Variants in SLCO1C1 observed in about 807,000 individuals in gnomAD.
The protein encoded by SLCO1C1 is solute carrier organic anion transporter family member 1C1.
A neutral mutation model predicts 76.4 loss-of-function variants in SLCO1C1; 70 were observed. That is an observed-to-expected ratio of 0.92 (90% CI 0.76 to 1.12). The LOEUF (loss-of-function observed/expected upper bound fraction) is 1.12, where lower values mean the gene tolerates loss of function less well. Ranked by LOEUF, SLCO1C1 falls within the 50% of genes most tolerant of loss-of-function variation. The probability of loss-of-function intolerance (pLI) is 0.00; values close to 1 mark genes in which losing one functional copy is unlikely to be tolerated. For missense variants in SLCO1C1, 912 were observed against 823.8 expected, an observed-to-expected ratio of 1.11 and a Z score of -1.31; for synonymous variants, 306 against 286.1, an observed-to-expected ratio of 1.07 and a Z score of -0.70.
chr12:20,702,466 G>A (rs1448063148), intron 3 of SLCO1C1, among the ~76,000 whole-genome samples: 2 of 151,834 alleles, frequency 1.3e-5, no homozygotes, highest in African/African-American at 4.8e-5. Flanking sequence ...AAATAACTGG[G>A]CAATCTTTTA....
chr12:20,741,562 G>A (rs1948816996), intron 12 of SLCO1C1, among the ~76,000 whole-genome samples: 2 of 152,074 alleles, frequency 1.3e-5, no homozygotes, highest in African/African-American at 4.8e-5. Flanking sequence ...ACAGTGACAA[G>A]CATTACATAT....
chr12:20,717,209 G>C lies in SLCO1C1; in HGVS notation c.754G>C (p.Asp252His), dbSNP rs1391976739. 6.3e-7 allele frequency: 1 copy of C among 1,586,328 alleles called. No individual in the cohort carries two copies. Among genetic ancestry groups the C allele is most frequent in the African/African-American group, 1.4e-5 (1 of 72,342 alleles). The change falls in exon 7 of 15, where the codon GAC becomes CAC. Residue 252 changes from aspartate (D) to histidine (H), a missense_variant. Coordinates refer to ENST00000266509, the MANE Select transcript of SLCO1C1 (RefSeq NM_017435.5). ...CTCATTATGTGCCAAACTATATGTT[G>C]ACATTGGCTTTGTAAACCTAGGTAA... ...LGSLCAKLYV[D>H]IGFVNLDHIT... is the part of the protein sequence containing the mutation.
intron 7 of SLCO1C1, among the ~76,000 whole-genome samples, chr12:20,720,997 C>CAAA (rs35297084): frequency 3.0e-3 from 129 of 43,388 alleles, no homozygotes; most frequent in Admixed American, 3.6e-3. Context: ...AACTCCATCT[C>CAAA]AAAAAAAAAA....
chr12:20,715,022 A>G (rs1592251247), intron 5 of SLCO1C1, 117 bp from the exon 6 acceptor site: 1 of 1,256,114 alleles, frequency 8.0e-7, no homozygotes, highest in East Asian at 2.3e-5. Context: ...AATTAAGACT[A>G]TTGCACAAAA....
At chr12:20,711,598 T>C (rs968599227) in intron 5 of SLCO1C1, 88 bp downstream of exon 5, 2 of 1,434,696 alleles carry the variant, frequency 1.4e-6, no homozygotes, top group African/African-American at 2.9e-5. Context: ...GTCTATGATT[T>C]TTGCTCCCAA....
chr12:20,731,139 G>A (rs993490137), intron 9 of SLCO1C1, among the ~76,000 whole-genome samples: 22 of 152,060 alleles, frequency 1.4e-4, no homozygotes, highest in African/African-American at 4.6e-4. Flanking sequence ...TTGTATCTGT[G>A]CCTGAAGTTC....
intron 13 of SLCO1C1, among the ~76,000 whole-genome samples, chr12:20,750,024 T>C (rs1461632207): frequency 6.6e-6 from 1 of 152,152 alleles, no homozygotes; most frequent in African/African-American, 2.4e-5. Context: ...GAGTCTGAAA[T>C]GTAAGACAAC....
At chr12:20,749,908 G>A (rs919616221) in intron 13 of SLCO1C1, among the ~76,000 whole-genome samples, 3 of 152,188 alleles carry the variant, frequency 2.0e-5, no homozygotes, top group African/African-American at 7.2e-5. Context: ...TGTGTATTAA[G>A]AATGTGAATA....
At chr12:20,715,395 A>G (rs1041488824) in intron 6 of SLCO1C1, 110 bp downstream of exon 6, 1 of 1,229,194 alleles carries the variant, frequency 8.1e-7, no homozygotes, top group Non-Finnish European at 1.1e-6. Flanking sequence ...CTTCATATCC[A>G]ACTCCTTTAT....
chr12:20,704,103 A>G (rs909899057), intron 3 of SLCO1C1, among the ~76,000 whole-genome samples: 2 of 151,544 alleles, frequency 1.3e-5, no homozygotes, highest in Admixed American at 6.6e-5. Flanking sequence ...GATGGTAGAT[A>G]TGGAATAATT....
At chr12:20,698,705 G>GGGTC (rs1350725561) in intron 1 of SLCO1C1, among the ~76,000 whole-genome samples, 1 of 151,910 alleles carries the variant, frequency 6.6e-6, no homozygotes, top group Non-Finnish European at 1.5e-5. Context: ...ATGTACAATT[G>GGGTC]GGTCATCTGA....
rs1946425298 is a variant in SLCO1C1, at chr12:20,699,653, A to G, written c.77A>G (p.Lys26Arg). The change falls in exon 2 of 15, where the codon AAA becomes AGA. Residue 26 changes from lysine (K) to arginine (R), a missense_variant. Lys to Arg is a conservative substitution (Grantham distance 26, BLOSUM62 2). Coordinates refer to ENST00000266509, the MANE Select transcript of SLCO1C1 (RefSeq NM_017435.5). ...SVQPVGRPSF[K>R]TEYPSSEEKQ... ...CAACCTGTTGGAAGGCCTTCTTTTA[A>G]AACAGAATATCCCTCCTCAGAAGAA... The G allele has an allele frequency of 6.2e-7, 1 of 1,612,478 alleles. No homozygotes were observed. The highest frequency in any genetic ancestry group is 8.5e-7 in the Non-Finnish European group (1 of 1,179,198).
At chr12:20,718,282 C>T (rs1259959788) in intron 7 of SLCO1C1, among the ~76,000 whole-genome samples, 1 of 152,096 alleles carries the variant, frequency 6.6e-6, no homozygotes, top group Non-Finnish European at 1.5e-5. Flanking sequence ...GGCAGTTGAG[C>T]CTACTTGTCA....
intron 5 of SLCO1C1, among the ~76,000 whole-genome samples, chr12:20,711,970 G>C (rs1425329699): frequency 3.3e-5 from 5 of 152,106 alleles, no homozygotes; most frequent in African/African-American, 9.7e-5. Context: ...ACATTCTAGG[G>C]AGCTTACATA....
intron 8 of SLCO1C1, 71 bp from the exon 9 acceptor site, chr12:20,723,019 G>T: frequency 1.4e-6 from 2 of 1,402,598 alleles, no homozygotes; most frequent in Non-Finnish European, 2.0e-6. Flanking sequence ...TGTAAGTCCT[G>T]CCAGCACGGC....
chr12:20,733,406 C>T (rs548692557), intron 10 of SLCO1C1, among the ~76,000 whole-genome samples: 1 of 152,162 alleles, frequency 6.6e-6, no homozygotes, highest in South Asian at 2.1e-4. Context: ...ATGCCTCTGT[C>T]TATTCTTAAT....
At chr12:20,715,458 CAT>C (rs1007895611) in intron 6 of SLCO1C1, among the ~76,000 whole-genome samples, 173 bp downstream of exon 6, 6 of 152,088 alleles carry the variant, frequency 3.9e-5, no homozygotes, top group African/African-American at 1.4e-4. Flanking sequence ...ATGAAGACAC[CAT>C]AGTTAGAGGG....
intron 4 of SLCO1C1, among the ~76,000 whole-genome samples, chr12:20,709,970 T>C (rs1349678571): frequency 2.7e-5 from 4 of 150,018 alleles, no homozygotes; most frequent in African/African-American, 4.9e-5. Context: ...TAACCTACTA[T>C]GGTCAAGGAA....
Position 20,734,134 on chromosome 12 carries a change from G to A in SLCO1C1, c.1382+1030G>A, listed in dbSNP as rs146241084. Among the ~76,000 whole-genome samples the A allele has an allele frequency of 3.5e-4, 53 of 152,020 alleles. No homozygotes were observed. In the East Asian group the frequency reaches 3.7e-3, roughly 11 times the overall value. Reference sequence around the variant, plus strand: ...GCTTACAGCCTGCTGTCCATCTCCCGTCCTACTCTTGCTTCCCTGCTTATC... The same window carrying A: ...GCTTACAGCCTGCTGTCCATCTCCCATCCTACTCTTGCTTCCCTGCTTATC... On this transcript the variant is annotated intron_variant, in intron 10 of 14. Transcript: ENST00000266509.
Sources: allele counts gnomAD v4.1 joint callset (sites outside exome capture counted in the v4.1 genomes callset), GRCh38; gene constraint gnomAD v4.1.1; transcripts MANE v1.5; gene names NCBI Gene and HGNC (gene_info 2026-07-23, HGNC 2026-07-21).